The following RANBP2 variants were observed in gnomAD, a reference collection of about 807,000 sequenced individuals.
RANBP2 encodes the protein E3 SUMO-protein ligase RanBP2.
A neutral mutation model predicts 303.6 loss-of-function variants in RANBP2; 57 were observed. The ratio of observed to expected loss-of-function variants is 0.19; its 90% confidence interval spans 0.15 to 0.23. The LOEUF is 0.23. RANBP2 is among the 10% of genes least tolerant of loss of function. The pLI is 1.00. For missense variants in RANBP2, 3,138 were observed against 3,780.8 expected, an observed-to-expected ratio of 0.83 and a Z score of 4.46; for synonymous variants, 1,167 against 1,301.5, an observed-to-expected ratio of 0.90 and a Z score of 2.23.
chr2:109,095,197 C>A, the RANBP2 span, among the ~76,000 whole-genome samples: 1 of 152,148 alleles, frequency 6.6e-6, no homozygotes, highest in South Asian at 2.1e-4. Flanking sequence ...AGAGTCAGAC[C>A]TTATCTTCAC....
At chr2:109,192,474 A>G in the RANBP2 span, among the ~76,000 whole-genome samples, 1 of 152,230 alleles carries the variant, frequency 6.6e-6, no homozygotes, top group Non-Finnish European at 1.5e-5. Flanking sequence ...TTTAATTTGT[A>G]TTAGCCTGGT....
the RANBP2 span, among the ~76,000 whole-genome samples, chr2:109,491,397 T>G: frequency 6.6e-6 from 1 of 152,208 alleles, no homozygotes; most frequent in Non-Finnish European, 1.5e-5. Context: ...CAAGACGGCT[T>G]CAAGTCTATA....
At chr2:108,840,716 T>A in the RANBP2 span, among the ~76,000 whole-genome samples, 2 of 152,202 alleles carry the variant, frequency 1.3e-5, no homozygotes, top group Admixed American at 1.3e-4. Context: ...CTTTAGTTCA[T>A]CTCTTTTGCT....
At chr2:109,419,714 C>T in the RANBP2 span, 51 of 1,425,844 alleles carry the variant, frequency 3.6e-5, no homozygotes, top group African/African-American at 9.9e-5. Context: ...GACCTGTCCA[C>T]GTGTGGTTTC....
chr2:109,211,529 C>T, the RANBP2 span, among the ~76,000 whole-genome samples: 3 of 152,166 alleles, frequency 2.0e-5, no homozygotes, highest in South Asian at 2.1e-4. Context: ...CCAGTAGGAG[C>T]GGATCAGCAA....
the RANBP2 span, among the ~76,000 whole-genome samples, chr2:109,265,743 TA>T: frequency 4.6e-5 from 7 of 152,194 alleles, no homozygotes; most frequent in African/African-American, 1.7e-4. Flanking sequence ...TTTTTATCAA[TA>T]AAAAATGTTT....
At chr2:109,594,937 G>T in the RANBP2 span, 1 of 151,998 alleles carries the variant, frequency 6.6e-6, no homozygotes, top group East Asian at 1.9e-4. Context: ...ACCCAGGCTG[G>T]AGTGCAGGGG....
At chr2:109,197,184 G>A in the RANBP2 span, among the ~76,000 whole-genome samples, 3 of 152,312 alleles carry the variant, frequency 2.0e-5, no homozygotes, top group Admixed American at 2.0e-4. Flanking sequence ...CAGGAAGGCG[G>A]TAGTCTTGTT....
At chr2:109,558,708 C>T in the RANBP2 span, among the ~76,000 whole-genome samples, 31,237 of 151,954 alleles carry the variant, frequency 0.21, 3,803 homozygotes, top group South Asian at 0.27. Context: ...GAAAAACAAA[C>T]GGAAGTTCTG....
chr2:109,496,431 C>T, the RANBP2 span, among the ~76,000 whole-genome samples: 1 of 152,212 alleles, frequency 6.6e-6, no homozygotes, highest in Admixed American at 6.5e-5. Flanking sequence ...AAGAAAAGTT[C>T]TCCAAGTCCC....
chr2:109,479,045 G>A, the RANBP2 span, among the ~76,000 whole-genome samples: 1 of 152,184 alleles, frequency 6.6e-6, no homozygotes, highest in East Asian at 1.9e-4. Flanking sequence ...TGTGTCTGGC[G>A]GGTGGTGTTG....
chr2:109,613,271 T>C, the RANBP2 span: 1 of 905,000 alleles, frequency 1.1e-6, no homozygotes, highest in Non-Finnish European at 1.5e-6. Flanking sequence ...TCTTTTAGAG[T>C]ACAAAAGAGT....
the RANBP2 span, among the ~76,000 whole-genome samples, chr2:109,239,138 A>C: frequency 2.0e-5 from 3 of 152,148 alleles, no homozygotes; most frequent in African/African-American, 7.2e-5. Flanking sequence ...AGAGCTCAGA[A>C]CTCTGTGAGC....
chr2:108,755,334 T>G, intron 17 of RANBP2, 75 bp downstream of exon 17: 2 of 1,605,128 alleles, frequency 1.2e-6, no homozygotes, highest in African/African-American at 2.7e-5. Flanking sequence ...ACTTTTTTTC[T>G]GAAGCTGGTC....
In RANBP2 at chr2:108,764,757, T is replaced by C. The variant is rs1278103965; in HGVS notation, c.4218T>C (p.Asp1406=). ...TPKTSPENVQ[D]RFALVTPKKE... is the part of the protein sequence containing the mutation. ...AAACCAGCCCAGAGAATGTTCAAGA[T>C]CGATTTGCATTGGTGACTCCAAAGA... The change falls in exon 20 of 29, where the codon GAT becomes GAC. Residue 1406 remains aspartate, a synonymous_variant. Transcript: ENST00000283195. The C allele has an allele frequency of 6.2e-7, 1 of 1,614,016 alleles. No homozygotes were observed. Among genetic ancestry groups the C allele is most frequent in the Admixed American group, 1.7e-5 (1 of 59,994 alleles).
At chr2:108,907,939 T>C in the RANBP2 span, 1 of 1,613,658 alleles carries the variant, frequency 6.2e-7, no homozygotes, top group Non-Finnish European at 8.5e-7. Context: ...CGGGGAGCCC[T>C]GCTTGTCAGG....
chr2:109,625,088 A>C, the RANBP2 span, among the ~76,000 whole-genome samples: 2 of 98,170 alleles, frequency 2.0e-5, no homozygotes, highest in South Asian at 2.9e-4. Context: ...CAACAACAAC[A>C]AAAAAAAAAA....
chr2:108,981,885 C>T, the RANBP2 span, among the ~76,000 whole-genome samples: 56 of 152,286 alleles, frequency 3.7e-4, no homozygotes, highest in East Asian at 2.1e-3. Context: ...CAGATTAAGA[C>T]GGAAACGCTA....
At chr2:109,686,608 C>T in the RANBP2 span, among the ~76,000 whole-genome samples, 6 of 152,034 alleles carry the variant, frequency 3.9e-5, no homozygotes, top group African/African-American at 1.4e-4. Context: ...CCACAGCGTC[C>T]GGCTTCTTAC....
Sources: allele counts gnomAD v4.1 joint callset (sites outside exome capture counted in the v4.1 genomes callset), GRCh38; gene constraint gnomAD v4.1.1; transcripts MANE v1.5; gene names NCBI Gene and HGNC (gene_info 2026-07-23, HGNC 2026-07-21).